Variants in CALN1 observed in about 807,000 individuals in gnomAD.
CALN1 encodes calcium-binding protein 8.
In CALN1, 17 loss-of-function variants were observed where a neutral mutation model predicts 30.6. The observed-to-expected ratio is 0.56, with a 90% CI of 0.38 to 0.83. CALN1 has a LOEUF of 0.83. Ranked by LOEUF, CALN1 falls within the 40% of genes least tolerant of loss-of-function variation. The pLI is 0.00. For missense variants in CALN1, 291 were observed against 354.9 expected (o/e 0.82, Z 1.45); for synonymous variants, 156 against 131.4 (o/e 1.19, Z -1.28).
At chr7:72,164,444 T>C (rs1312692134) in intron 3 of CALN1, among the ~76,000 whole-genome samples, 3 of 151,848 alleles carry the variant, frequency 2.0e-5, no homozygotes, top group Admixed American at 1.3e-4. Flanking sequence ...TATACTCTTA[T>C]ATGCCAATGA....
At chr7:72,324,704 C>T (rs1260260302) in intron 2 of CALN1, among the ~76,000 whole-genome samples, 1 of 152,020 alleles carries the variant, frequency 6.6e-6, no homozygotes, top group East Asian at 1.9e-4. Flanking sequence ...GCCTCAGCCT[C>T]CCGAGTAGCT....
In CALN1 at chr7:71,835,225, A is replaced by C. The variant is rs539634466; in HGVS notation, c.502-24733T>G. On this transcript the variant is annotated intron_variant, in intron 5 of 6. Transcript: ENST00000395275. ...GTTTTGGTAACTGATCACAAAGGTA[A>C]CATGGCTGAGCTTATAATCCTCCAG... 2.6e-5 allele frequency among the ~76,000 whole-genome samples: 4 copies of C among 152,368 alleles called. No individual in the cohort carries two copies. The East Asian group carries it at 7.7e-4, about 29-fold the overall frequency.
intron 4 of CALN1, chr7:72,103,244 TG>T: frequency 5.9e-6 from 1 of 168,286 alleles, no homozygotes. Flanking sequence ...ACCAATCACC[TG>T]GATATTGAGA....
chr7:72,353,637 G>A (rs371003083), intron 2 of CALN1, among the ~76,000 whole-genome samples: 3 of 152,192 alleles, frequency 2.0e-5, no homozygotes, highest in East Asian at 3.9e-4. Flanking sequence ...GTTAAAAACT[G>A]AATGCTTTCC....
At chr7:72,234,132 C>T (rs1235118455) in intron 3 of CALN1, among the ~76,000 whole-genome samples, 1 of 152,150 alleles carries the variant, frequency 6.6e-6, no homozygotes, top group Non-Finnish European at 1.5e-5. Flanking sequence ...GAAGAGTTTG[C>T]CATGGACAGT....
chr7:72,322,186 T>C (rs1442358093), intron 2 of CALN1, among the ~76,000 whole-genome samples: 2 of 152,158 alleles, frequency 1.3e-5, no homozygotes, highest in African/African-American at 2.4e-5. Flanking sequence ...TGCTGGGAGA[T>C]AGTGACAGAT....
At chr7:72,272,431 G>A (rs1797059424) in intron 3 of CALN1, among the ~76,000 whole-genome samples, 1 of 151,964 alleles carries the variant, frequency 6.6e-6, no homozygotes, top group South Asian at 2.1e-4. Flanking sequence ...GTGTGGTGGT[G>A]CACGCCTGTA....
chr7:71,975,979 A>G (rs781458296), intron 5 of CALN1, among the ~76,000 whole-genome samples: 1 of 150,954 alleles, frequency 6.6e-6, no homozygotes, highest in South Asian at 2.1e-4. Flanking sequence ...ATTACCAGCT[A>G]TATTAAGGCT....
intron 5 of CALN1, among the ~76,000 whole-genome samples, chr7:71,906,850 G>A (rs570167500): frequency 6.6e-6 from 1 of 152,308 alleles, no homozygotes; most frequent in Non-Finnish European, 1.5e-5. Flanking sequence ...CAGTTGGGTT[G>A]CCCAGGTGGC....
At chr7:72,120,372 T>C (rs990986837) in intron 3 of CALN1, among the ~76,000 whole-genome samples, 2 of 152,156 alleles carry the variant, frequency 1.3e-5, no homozygotes, top group African/African-American at 4.8e-5. Context: ...TGGTAACTAG[T>C]CTGCAAAACA....
At chr7:72,136,662 C>T (rs1809533964) in intron 3 of CALN1, among the ~76,000 whole-genome samples, 1 of 152,216 alleles carries the variant, frequency 6.6e-6, no homozygotes. Flanking sequence ...TCATGCCTTC[C>T]TCACTATGCT....
At chr7:71,924,958 T>C (rs1244785470) in intron 5 of CALN1, among the ~76,000 whole-genome samples, 1 of 152,198 alleles carries the variant, frequency 6.6e-6, no homozygotes, top group Non-Finnish European at 1.5e-5. Flanking sequence ...GAAATAAATT[T>C]GGCCGGGTGC....
chr7:72,029,160 T>C (rs898757405), intron 4 of CALN1, among the ~76,000 whole-genome samples: 4 of 152,000 alleles, frequency 2.6e-5, no homozygotes, highest in Non-Finnish European at 5.9e-5. Flanking sequence ...AGAGTCTCAC[T>C]CTGTTGCCCA....
intron 2 of CALN1, among the ~76,000 whole-genome samples, chr7:72,397,412 G>A (rs148439824): frequency 6.6e-6 from 1 of 152,082 alleles, no homozygotes; most frequent in Non-Finnish European, 1.5e-5. Context: ...TGAAGTTGAG[G>A]CAACAAGAGG....
intron 2 of CALN1, among the ~76,000 whole-genome samples, chr7:72,319,842 G>A (rs1444147087): frequency 1.3e-5 from 2 of 152,114 alleles, no homozygotes; most frequent in Middle Eastern, 3.4e-3. Context: ...AGACAATGGA[G>A]ACTCAGAAAG....
In CALN1 at chr7:72,317,883, A is replaced by G. The variant is rs189569822; in HGVS notation, c.120-39073T>C. Among the ~76,000 whole-genome samples the G allele has an allele frequency of 3.7e-3, 561 of 152,362 alleles. 3 individuals are homozygous for G. The highest frequency in any genetic ancestry group is 8.5e-3 in the Admixed American group (130 of 15,304). ...TCGCAACAGATGAAAAAGTAAGGACATGAATGAACTGGAAATACAGAAAAA... is the reference window on the plus strand; with the variant it reads ...TCGCAACAGATGAAAAAGTAAGGACGTGAATGAACTGGAAATACAGAAAAA... On this transcript the variant is annotated intron_variant, in intron 2 of 6. Transcript: ENST00000395275.
At chr7:71,852,462 C>A (rs1488395787) in intron 5 of CALN1, among the ~76,000 whole-genome samples, 1 of 139,682 alleles carries the variant, frequency 7.2e-6, no homozygotes, top group African/African-American at 2.8e-5. Flanking sequence ...TATAGTGAGA[C>A]CCTGTCTCTA....
intron 3 of CALN1, among the ~76,000 whole-genome samples, chr7:72,216,598 ACCTTCTGTCC>A (rs1246651393): frequency 9.2e-5 from 14 of 152,000 alleles, no homozygotes; most frequent in Non-Finnish European, 1.5e-4. Context: ...AGCTCTTGTC[ACCTTCTGTCC>A]CCTTCACCTG....
At chr7:72,220,375 C>T (rs10224695) in intron 3 of CALN1, among the ~76,000 whole-genome samples, 2,783 of 150,908 alleles carry the variant, frequency 0.018, 70 homozygotes, top group African/African-American at 0.063. Context: ...ACGAACTCAT[C>T]ATTTTTTTAT....
Sources: gnomAD v4.1 joint callset for allele counts (sites outside exome capture counted in the v4.1 genomes callset) on GRCh38, gnomAD v4.1.1 for gene constraint, MANE v1.5 for transcripts, NCBI Gene and HGNC (gene_info 2026-07-23, HGNC 2026-07-21) for gene names.